MYO6: variants seen among roughly 807,000 people sequenced by gnomAD.
MYO6 encodes unconventional myosin-VI.
MYO6 carries 74 observed loss-of-function variants against 178.7 expected under a neutral mutation model. The ratio of observed to expected loss-of-function variants is 0.41; its 90% CI spans 0.34 to 0.50. The LOEUF is 0.50. MYO6 is among the 20% of genes least tolerant of loss of function. The pLI, the probability that MYO6 is intolerant of heterozygous loss-of-function variation, is 0.09. For missense variants in MYO6, 1,330 were observed against 1,547.4 expected (o/e 0.86, Z 2.36); for synonymous variants, 477 against 504.6 (o/e 0.95, Z 0.73).
rs533966093 is a variant in MYO6, at chr6:75,839,252, G to A, written c.554-1333G>A. 6.6e-5 allele frequency among the ~76,000 whole-genome samples: 10 copies of A among 151,986 alleles called. No homozygotes were observed. The East Asian group carries it at 9.7e-4, about 15-fold the overall frequency. On this transcript the variant is annotated intron_variant, in intron 7 of 34. Coordinates refer to ENST00000369977, the MANE Select transcript of MYO6 (RefSeq NM_004999.4). ...CTCCCAGGCTGGAGTGCAGTGGCGCGATCTCGGCTCGCTGCAAGCTCTGCC... is the reference window on the plus strand; with the variant it reads ...CTCCCAGGCTGGAGTGCAGTGGCGCAATCTCGGCTCGCTGCAAGCTCTGCC...
chr6:75,757,257 G>C (rs1777515900), intron 1 of MYO6, among the ~76,000 whole-genome samples: 1 of 146,654 alleles, frequency 6.8e-6, no homozygotes, highest in Non-Finnish European at 1.5e-5. Context: ...ATATGTGTGT[G>C]TATATATGTA....
intron 30 of MYO6, among the ~76,000 whole-genome samples, chr6:75,905,094 C>T (rs926619597): frequency 6.6e-6 from 1 of 152,208 alleles, no homozygotes; most frequent in African/African-American, 2.4e-5. Flanking sequence ...CTCAGATCTC[C>T]AGCTGCGTCC....
intron 17 of MYO6, 98 bp downstream of exon 17, chr6:75,866,719 G>T: frequency 8.2e-7 from 1 of 1,215,764 alleles, no homozygotes; most frequent in South Asian, 1.2e-5. Context: ...TATTTCACGT[G>T]GTTATTTAAA....
chr6:75,754,344 A>G (rs1016552510), intron 1 of MYO6, among the ~76,000 whole-genome samples: 10 of 151,802 alleles, frequency 6.6e-5, no homozygotes, highest in Non-Finnish European at 1.3e-4. Context: ...ATGTGGTGAA[A>G]CCCCATCTCT....
intron 32 of MYO6, 31 bp from the exon 33 acceptor site, chr6:75,911,641 C>A: frequency 6.3e-7 from 1 of 1,596,986 alleles, no homozygotes; most frequent in South Asian, 1.1e-5. Context: ...GCATTTTTAT[C>A]TTTTCTTCAA....
At chr6:75,869,416 GTTAT>G (rs916800929) in intron 18 of MYO6, among the ~76,000 whole-genome samples, 4 of 152,192 alleles carry the variant, frequency 2.6e-5, no homozygotes, top group African/African-American at 9.6e-5. Context: ...CCTCGGGCAA[GTTAT>G]TTATTTCCTT....
intron 1 of MYO6, among the ~76,000 whole-genome samples, chr6:75,764,737 G>T (rs1017128279): frequency 6.6e-6 from 1 of 151,940 alleles, no homozygotes; most frequent in African/African-American, 2.4e-5. Context: ...AAAATGATTT[G>T]ATCCAGGCCA....
At chr6:75,835,470 C>T (rs952299733) in intron 6 of MYO6, among the ~76,000 whole-genome samples, 1 of 152,030 alleles carries the variant, frequency 6.6e-6, no homozygotes, top group African/African-American at 2.4e-5. Context: ...CTCACTCTGT[C>T]GCCCAGGCTG....
At chr6:75,849,882 C>T (rs909233061) in intron 11 of MYO6, among the ~76,000 whole-genome samples, 1 of 151,932 alleles carries the variant, frequency 6.6e-6, no homozygotes, top group Admixed American at 6.6e-5. Flanking sequence ...CGGGAATTTA[C>T]GGGACTTTAC....
chr6:75,858,141 C>T (rs952442185), intron 13 of MYO6, among the ~76,000 whole-genome samples: 4 of 151,712 alleles, frequency 2.6e-5, no homozygotes, highest in African/African-American at 4.8e-5. Context: ...ATTGTAAAGC[C>T]GAGTGTATCT....
At chr6:75,881,890 T>A in intron 23 of MYO6, 72 bp downstream of exon 23, 1 of 1,574,774 alleles carries the variant, frequency 6.4e-7, no homozygotes, top group South Asian at 1.1e-5. Flanking sequence ...TGTAAAGCTG[T>A]CTCAGAGGTG....
At position 75,817,716 on chromosome 6, in the gene MYO6, T is replaced by C; in HGVS notation, c.117+52T>C. ...TATGATTTCTTTCAAAAATAGGTGTTTTTTTTCACAAGAGTAAGGTCTGTC... is the reference window on the plus strand; with the variant it reads ...TATGATTTCTTTCAAAAATAGGTGTCTTTTTTCACAAGAGTAAGGTCTGTC... On this transcript the variant is annotated intron_variant, in intron 2 of 34. Transcript: ENST00000369977. 1.3e-6 allele frequency: 2 copies of C among 1,498,456 alleles called. 1 individual carries two copies. The highest frequency in any genetic ancestry group is 2.3e-5 in the South Asian group (2 of 88,498). 92.8% of individuals were successfully genotyped at this position (1,498,456 alleles called of 1,614,324 possible).
chr6:75,888,815 A>C (rs539808158), intron 25 of MYO6, among the ~76,000 whole-genome samples: 119 of 152,240 alleles, frequency 7.8e-4, no homozygotes, highest in Admixed American at 2.0e-3. Context: ...GTCCATGTTA[A>C]TACATTATCT....
intron 1 of MYO6, among the ~76,000 whole-genome samples, chr6:75,780,475 A>G (rs1035540984): frequency 4.6e-5 from 7 of 152,114 alleles, no homozygotes; most frequent in Non-Finnish European, 8.8e-5. Flanking sequence ...TAAATATGTG[A>G]TGTGAAAATG....
chr6:75,795,337 T>C (rs1260330093), intron 1 of MYO6, among the ~76,000 whole-genome samples: 1 of 152,184 alleles, frequency 6.6e-6, no homozygotes, highest in African/African-American at 2.4e-5. Flanking sequence ...CCGGGGAAAC[T>C]GAAGCTTTTT....
At chr6:75,862,049 A>G (rs1286004269) in intron 15 of MYO6, among the ~76,000 whole-genome samples, 2 of 152,124 alleles carry the variant, frequency 1.3e-5, no homozygotes, top group African/African-American at 4.8e-5. Context: ...TTCTCTTCCT[A>G]TGTCTTATAG....
intron 1 of MYO6, among the ~76,000 whole-genome samples, chr6:75,794,865 C>T (rs1014028962): frequency 6.6e-6 from 1 of 151,982 alleles, no homozygotes; most frequent in African/African-American, 2.4e-5. Context: ...GTAATTAATA[C>T]TACTTCATTG....
Position 75,907,757 on chromosome 6 carries a change from T to C in MYO6, c.3280+49T>C, listed in dbSNP as rs761433311. On this transcript the variant is annotated intron_variant, in intron 31 of 34. Coordinates refer to ENST00000369977, the MANE Select transcript of MYO6 (RefSeq NM_004999.4). The stretch of plus-strand genomic sequence containing the variant: ...AATAGAAAATGTTCATAGTGATAGG[T>C]GATAAATACCTAGATTAGGGTGAGG... 10 of 1,416,534 alleles carry C rather than the reference T, an allele frequency of 7.1e-6. No homozygotes were observed. In the East Asian group the frequency reaches 2.3e-4, roughly 32 times the overall value. 87.7% of individuals were successfully genotyped at this position (1,416,534 alleles called of 1,614,324 possible).
At chr6:75,863,884 T>G (rs959906478) in intron 16 of MYO6, among the ~76,000 whole-genome samples, 2 of 152,168 alleles carry the variant, frequency 1.3e-5, no homozygotes, top group Admixed American at 6.5e-5. Context: ...TTGAGATGTT[T>G]CCTGTGTTCA....
Sources: gnomAD v4.1 joint callset for allele counts (sites outside exome capture counted in the v4.1 genomes callset) on GRCh38, gnomAD v4.1.1 for gene constraint, MANE v1.5 for transcripts, NCBI Gene and HGNC (gene_info 2026-07-23, HGNC 2026-07-21) for gene names.